The following NOVA1 variants were observed in gnomAD, a reference collection of about 807,000 sequenced individuals.
NOVA1 encodes NOVA alternative splicing regulator 1.
Under a neutral mutation model 38.0 loss-of-function variants are expected in NOVA1, and 7 were observed. That is an observed-to-expected ratio of 0.18 (90% CI 0.10 to 0.35). The LOEUF (loss-of-function observed/expected upper bound fraction) is 0.35. Among genes scored for constraint, NOVA1 ranks in the 10% least tolerant of loss-of-function variants. The pLI is 1.00. For synonymous variants in NOVA1, 270 were observed against 232.5 expected (o/e 1.16, Z -1.47); for missense variants, 460 against 616.0 (o/e 0.75, Z 2.68).
chr14:26,506,296 G>T (rs1887633170), intron 2 of NOVA1, among the ~76,000 whole-genome samples: 1 of 152,126 alleles, frequency 6.6e-6, no homozygotes, highest in South Asian at 2.1e-4. Context: ...ATCTTCCAGG[G>T]CGTAAAATTA....
intron 2 of NOVA1, among the ~76,000 whole-genome samples, chr14:26,581,389 T>G (rs1893213264): frequency 1.3e-5 from 2 of 152,016 alleles, no homozygotes; most frequent in African/African-American, 4.8e-5. Flanking sequence ...AAGTAGACAT[T>G]ATATATAATT....
Position 26,449,939 on chromosome 14 carries a change from A to C in NOVA1, c.520-976T>G, listed in dbSNP as rs181137033. 4.4e-3 allele frequency among the ~76,000 whole-genome samples: 666 copies of C among 152,264 alleles called. 5 individuals are homozygous for C. Among genetic ancestry groups the C allele is most frequent in the Non-Finnish European group, 6.3e-3 (427 of 67,982 alleles). On this transcript the variant is annotated intron_variant, in intron 4 of 4. Transcript: ENST00000539517. ...CACAATAAAAATTATTATAAGAAATATCAAATCAATATGACATTTTCTATC... is the reference window on the plus strand; with the variant it reads ...CACAATAAAAATTATTATAAGAAATCTCAAATCAATATGACATTTTCTATC...
intron 2 of NOVA1, among the ~76,000 whole-genome samples, chr14:26,481,307 C>G (rs178212): frequency 6.6e-6 from 1 of 151,764 alleles, no homozygotes; most frequent in Non-Finnish European, 1.5e-5. Flanking sequence ...TTTCAAGGTA[C>G]TTTGTAAAAT....
At chr14:26,482,112 T>C (rs962920633) in intron 2 of NOVA1, among the ~76,000 whole-genome samples, 8 of 151,922 alleles carry the variant, frequency 5.3e-5, no homozygotes, top group African/African-American at 1.9e-4. Context: ...CCTATACTTT[T>C]CAGATTGCAG....
At chr14:26,471,156 G>C (rs912270693) in intron 4 of NOVA1, among the ~76,000 whole-genome samples, 2 of 151,964 alleles carry the variant, frequency 1.3e-5, no homozygotes, top group South Asian at 4.1e-4. Context: ...TGTTTGAAGG[G>C]AACGCTATTG....
At chr14:26,449,016 T>TTA in intron 4 of NOVA1, 53 bp from the exon 5 acceptor site, 1 of 1,453,332 alleles carries the variant, frequency 6.9e-7, no homozygotes, top group Non-Finnish European at 9.3e-7. Flanking sequence ...TGCATATACA[T>TTA]TATATTACTT....
intron 3 of NOVA1, among the ~76,000 whole-genome samples, chr14:26,475,452 A>T (rs1884909107): frequency 6.6e-6 from 1 of 152,228 alleles, no homozygotes; most frequent in Non-Finnish European, 1.5e-5. Context: ...TGAAGATGTA[A>T]TTAACTGAAT....
At chr14:26,489,763 G>A (rs931214199) in intron 2 of NOVA1, among the ~76,000 whole-genome samples, 5 of 151,906 alleles carry the variant, frequency 3.3e-5, no homozygotes, top group African/African-American at 4.8e-5. Flanking sequence ...TTGAATTTGC[G>A]AGGCACAGGT....
chr14:26,564,944 T>G (rs960250737), intron 2 of NOVA1, among the ~76,000 whole-genome samples: 1 of 152,184 alleles, frequency 6.6e-6, no homozygotes, highest in African/African-American at 2.4e-5. Context: ...CCTAACTTCT[T>G]AAAATGTAAT....
intron 2 of NOVA1, chr14:26,549,792 G>C: frequency 7.8e-7 from 1 of 1,274,562 alleles, no homozygotes; most frequent in Non-Finnish European, 1.0e-6. Context: ...CTAGGGGAAA[G>C]TGCGCTGTTA....
intron 2 of NOVA1, among the ~76,000 whole-genome samples, chr14:26,480,558 T>C (rs990412461): frequency 1.3e-5 from 2 of 152,162 alleles, no homozygotes; most frequent in Non-Finnish European, 2.9e-5. Context: ...TGTAGGACAT[T>C]ACAGTCTGAA....
chr14:26,584,986 G>T (rs1893431897), intron 2 of NOVA1, among the ~76,000 whole-genome samples: 1 of 151,262 alleles, frequency 6.6e-6, no homozygotes, highest in Admixed American at 6.6e-5. Context: ...CGGGGAAACA[G>T]ACAAGAAACA....
At chr14:26,469,214 C>A (rs1010449654) in intron 4 of NOVA1, among the ~76,000 whole-genome samples, 1 of 152,084 alleles carries the variant, frequency 6.6e-6, no homozygotes, top group African/African-American at 2.4e-5. Context: ...GTTCTTATAA[C>A]GTTTCTTCTT....
chr14:26,468,627 TAAG>T (rs1470839056), intron 4 of NOVA1, among the ~76,000 whole-genome samples: 2 of 152,214 alleles, frequency 1.3e-5, no homozygotes, highest in Non-Finnish European at 2.9e-5. Flanking sequence ...AATAAGAGAA[TAAG>T]AAAGTCAATG....
At chr14:26,458,233 G>A (rs1435533911) in intron 4 of NOVA1, among the ~76,000 whole-genome samples, 1 of 152,136 alleles carries the variant, frequency 6.6e-6, no homozygotes, top group Non-Finnish European at 1.5e-5. Context: ...TGGTGGGAAT[G>A]TAAATTAGTT....
chr14:26,518,331 T>C (rs899753328), intron 2 of NOVA1, among the ~76,000 whole-genome samples: 2 of 152,034 alleles, frequency 1.3e-5, no homozygotes, highest in Non-Finnish European at 2.9e-5. Context: ...TATATATAAA[T>C]ACAATAATTA....
intron 4 of NOVA1, among the ~76,000 whole-genome samples, chr14:26,469,628 A>C (rs1884426960): frequency 6.6e-6 from 1 of 152,160 alleles, no homozygotes. Flanking sequence ...TTAAGGTAAC[A>C]CACAAGACTG....
In NOVA1 at chr14:26,465,956, C is replaced by A. The variant is rs535430225; in HGVS notation, c.519+6364G>T. 3.3e-5 allele frequency among the ~76,000 whole-genome samples: 5 copies of A among 151,784 alleles called. No homozygotes were observed. In the South Asian group the frequency reaches 8.3e-4, roughly 25 times the overall value. Reference sequence around the variant, plus strand: ...ATGGAAAAAAGCTTAAAAAACAGCACGATAAAGGGAATCAGGAGTACAGGG... The same window carrying A: ...ATGGAAAAAAGCTTAAAAAACAGCAAGATAAAGGGAATCAGGAGTACAGGG... On this transcript the variant is annotated intron_variant, in intron 4 of 4. Transcript: ENST00000539517.
Position 26,597,297 on chromosome 14 carries a change from C to T in NOVA1, c.136+4G>A. 8.0e-7 allele frequency: 1 copy of T among 1,246,164 alleles called. No homozygotes were observed. 77.2% of individuals were successfully genotyped at this position (1,246,164 alleles called of 1,614,324 possible). The stretch of plus-strand genomic sequence containing the variant: ...GCCAGCGGGGAGGTGGAAGCGATAC[C>T]CACCGCCCGTATTGGTCCTCTTGGT... On this transcript the variant is annotated splice_donor_region_variant and intron_variant, in intron 1 of 4. Transcript: ENST00000539517.
Sources: gnomAD v4.1 joint callset for allele counts (sites outside exome capture counted in the v4.1 genomes callset) on GRCh38, gnomAD v4.1.1 for gene constraint, MANE v1.5 for transcripts, NCBI Gene and HGNC (gene_info 2026-07-23, HGNC 2026-07-21) for gene names.